The following HEXB variants were observed in gnomAD, a reference collection of about 807,000 sequenced individuals.
HEXB encodes the protein hexosaminidase subunit beta.
Under a neutral mutation model 71.2 loss-of-function variants are expected in HEXB, and 51 were observed. That is an observed-to-expected ratio of 0.72 (90% CI 0.57 to 0.90). The LOEUF is 0.90. HEXB is among the 40% of genes least tolerant of loss of function. HEXB has a pLI of 0.00. For synonymous variants in HEXB, 266 were observed against 249.3 expected, an observed-to-expected ratio of 1.07 and a Z score of -0.63; for missense variants, 617 against 677.0, an observed-to-expected ratio of 0.91 and a Z score of 0.98.
At chr5:74,640,539 C>G (rs947942761) in exon 1 of HEXB, 1 of 152,240 alleles carries the variant, frequency 6.6e-6, no homozygotes, top group Non-Finnish European at 1.5e-5. Flanking sequence ...ACCCGCAGAG[C>G]GTCTCCGGAG....
chr5:74,675,026 GC>G (rs1488662434), intron 1 of HEXB, among the ~76,000 whole-genome samples: 1 of 152,176 alleles, frequency 6.6e-6, no homozygotes, highest in Non-Finnish European at 1.5e-5. Context: ...TGATAAGGAA[GC>G]CTTTATTCAG....
chr5:74,671,980 G>C (rs1450623202), intron 1 of HEXB, among the ~76,000 whole-genome samples: 1 of 152,218 alleles, frequency 6.6e-6, no homozygotes, highest in Non-Finnish European at 1.5e-5. Context: ...CTCGTTTGCT[G>C]TTGGTTATTC....
At position 74,716,574 on chromosome 5, in the gene HEXB, CTT is replaced by C. The variant is rs750494014; in HGVS notation, c.1083-9_1083-8del. ...CAAACTTCTAATGAAATTTTAATCA[CTT>C]TTTGCTTCAGGGAATCAAATCCAAA... On this transcript the variant is annotated splice_polypyrimidine_tract_variant and intron_variant, in intron 8 of 13. Transcript: ENST00000261416. 1 of 1,559,040 alleles carries C rather than the reference CTT, an allele frequency of 6.4e-7. No homozygotes were observed. Among genetic ancestry groups the C allele is most frequent in the Admixed American group, 1.7e-5 (1 of 59,540 alleles).
intron 5 of HEXB, among the ~76,000 whole-genome samples, chr5:74,699,209 T>C (rs1413969313): frequency 6.6e-6 from 1 of 151,932 alleles, no homozygotes. Flanking sequence ...AATGAATATA[T>C]TAACATATAC....
At chr5:74,645,911 C>A (rs1036908096) in intron 1 of HEXB, among the ~76,000 whole-genome samples, 4 of 152,000 alleles carry the variant, frequency 2.6e-5, no homozygotes, top group Admixed American at 2.6e-4. Context: ...TAATGACACT[C>A]ATTAATCTCC....
intron 1 of HEXB, among the ~76,000 whole-genome samples, chr5:74,649,193 C>A (rs527504668): frequency 6.6e-6 from 1 of 152,158 alleles, no homozygotes; most frequent in Non-Finnish European, 1.5e-5. Context: ...ATGCCGTGAG[C>A]TCCTGTGTTC....
intron 6 of HEXB, among the ~76,000 whole-genome samples, chr5:74,706,598 C>G (rs1200428904): frequency 6.6e-6 from 1 of 152,234 alleles, no homozygotes; most frequent in African/African-American, 2.4e-5. Context: ...CACCCGAATA[C>G]TGTGCTTTTC....
rs573031561 is a variant in HEXB, at chr5:74,652,324, G to T, written c.-377+11766G>T. On this transcript the variant is annotated intron_variant, in intron 1 of 13. Coordinates refer to the HEXB transcript ENST00000511181. This position sits in a 1 kb window ranked among gnomAD's most constrained non-coding sequence, Gnocchi z 5.4. ...TTAAATGGCAGAATCCAGACCCCTCGCTTTCTTTTTCAGAGCTGTGCTCTC... is the reference window on the plus strand; with the variant it reads ...TTAAATGGCAGAATCCAGACCCCTCTCTTTCTTTTTCAGAGCTGTGCTCTC... Among the ~76,000 whole-genome samples, 2 of 152,080 alleles carry T rather than the reference G, an allele frequency of 1.3e-5. No individual in the cohort carries two copies. Among genetic ancestry groups the T allele is most frequent in the South Asian group, 4.1e-4 (2 of 4,824 alleles).
intron 1 of HEXB, among the ~76,000 whole-genome samples, chr5:74,678,187 C>T (rs1398689145): frequency 2.0e-5 from 3 of 151,868 alleles, no homozygotes; most frequent in Non-Finnish European, 2.9e-5. Context: ...AATCCCAGCT[C>T]CTTGGGAGGC....
intron 1 of HEXB, among the ~76,000 whole-genome samples, chr5:74,675,918 T>C (rs956894430): frequency 1.3e-5 from 2 of 152,140 alleles, no homozygotes; most frequent in African/African-American, 4.8e-5. Flanking sequence ...GGGAATCTTA[T>C]GAATAGCAGC....
In HEXB at chr5:74,713,492, T is replaced by C. The variant is rs768346976; in HGVS notation, c.772-14T>C. 1.2e-6 allele frequency: 2 copies of C among 1,609,476 alleles called. No individual in the cohort carries two copies. The highest frequency in any genetic ancestry group is 1.7e-6 in the Non-Finnish European group (2 of 1,175,884). On this transcript the variant is annotated splice_polypyrimidine_tract_variant and intron_variant, in intron 6 of 13. Transcript: ENST00000261416. ...CGTTGTACATTTTAACTTGAATAAA[T>C]ATGGCTTTTACAGGGAAGCTATTCT...
chr5:74,685,542 G>A lies in HEXB; in HGVS notation c.282G>A (p.Leu94=). The change falls in exon 1 of 14, where the codon CTG becomes CTA. Residue 94 remains leucine (L), a synonymous_variant. Coordinates refer to ENST00000261416, the MANE Select transcript of HEXB (RefSeq NM_000521.4). ...CGGCGGGCCCCTCCTGCACCCTGCTGGAGGAAGCGTTTCGACGGTGAGCGC... is the reference window on the plus strand; with the variant it reads ...CGGCGGGCCCCTCCTGCACCCTGCTAGAGGAAGCGTTTCGACGGTGAGCGC... The part of the protein sequence containing the change: ...NSTAGPSCTL[L]EEAFRRYHGY... The A allele has an allele frequency of 6.4e-7, 1 of 1,567,270 alleles. No individual in the cohort carries two copies. Among genetic ancestry groups the A allele is most frequent in the South Asian group, 1.1e-5 (1 of 87,038 alleles).
chr5:74,652,784 T>C lies in HEXB; in HGVS notation c.-377+12226T>C, dbSNP rs763646912. ...GCTCCGAGATAACCATCACCCTCTC[T>C]GAGCTCCAATAAGGTGGCTACTCAG... On this transcript the variant is annotated intron_variant, in intron 1 of 13. Coordinates refer to the HEXB transcript ENST00000511181. This position sits in a 1 kb window ranked among gnomAD's most constrained non-coding sequence, Gnocchi z 5.4. Among the ~76,000 whole-genome samples, 2 of 152,092 alleles carry C rather than the reference T, an allele frequency of 1.3e-5. No homozygotes were observed. The highest frequency in any genetic ancestry group is 2.4e-5 in the African/African-American group (1 of 41,424).
At chr5:74,657,873 T>C (rs1404810503) in intron 1 of HEXB, among the ~76,000 whole-genome samples, 1 of 152,220 alleles carries the variant, frequency 6.6e-6, no homozygotes, top group African/African-American at 2.4e-5. Flanking sequence ...TAACAGCCTA[T>C]GTTACGCTTT....
At chr5:74,719,573 T>C (rs1028368626) in intron 11 of HEXB, among the ~76,000 whole-genome samples, 23 of 152,196 alleles carry the variant, frequency 1.5e-4, no homozygotes, top group African/African-American at 5.5e-4. Context: ...TTCAAAACCA[T>C]AGGTCTATTA....
At chr5:74,648,016 A>G (rs7700314) in intron 1 of HEXB, among the ~76,000 whole-genome samples, 24,579 of 152,154 alleles carry the variant, frequency 0.16, 2,570 homozygotes, top group African/African-American at 0.29. Context: ...GAGGTGGTCT[A>G]ATGGAGGCCA....
intron 1 of HEXB, among the ~76,000 whole-genome samples, chr5:74,656,412 C>G (rs1272603231): frequency 6.6e-6 from 1 of 151,676 alleles, no homozygotes; most frequent in Non-Finnish European, 1.5e-5. Flanking sequence ...CCGGGAGGCA[C>G]AGGTTGCAAT....
chr5:74,664,072 A>G (rs1020123218), intron 1 of HEXB, among the ~76,000 whole-genome samples: 2 of 152,074 alleles, frequency 1.3e-5, no homozygotes, highest in Non-Finnish European at 2.9e-5. Context: ...GCTGACTAAC[A>G]TGGTGAAACC....
chr5:74,676,224 T>C (rs1748627604), intron 1 of HEXB, among the ~76,000 whole-genome samples: 1 of 152,214 alleles, frequency 6.6e-6, no homozygotes, highest in Admixed American at 6.5e-5. Flanking sequence ...AGGAGTTTAT[T>C]TGGGCCAAGC....
Sources: gnomAD v4.1 joint callset for allele counts (sites outside exome capture counted in the v4.1 genomes callset) on GRCh38, gnomAD v4.1.1 for gene constraint, Gnocchi (gnomAD v3.1) non-coding constraint, MANE v1.5 for transcripts, NCBI Gene and HGNC (gene_info 2026-07-23, HGNC 2026-07-21) for gene names.